Variants in GPR160 observed in about 807,000 individuals in gnomAD.
The protein encoded by GPR160 is G protein-coupled receptor 160.
In GPR160, 2 loss-of-function variants were observed where a neutral mutation model predicts 2.6. That is an observed-to-expected ratio of 0.77 (90% CI 0.32 to 2.44). GPR160 has a LOEUF of 2.44. Among genes scored for constraint, GPR160 ranks in the 30% most tolerant of loss-of-function variants. GPR160 has a pLI of 0.11. For synonymous variants in GPR160, 130 were observed against 132.2 expected (o/e 0.98, Z 0.12); for missense variants, 351 against 383.6 (o/e 0.91, Z 0.71).
chr3:170,066,169 C>A (rs775807791), intron 2 of GPR160, among the ~76,000 whole-genome samples: 4 of 111,976 alleles, frequency 3.6e-5, no homozygotes, highest in Non-Finnish European at 5.0e-5. Context: ...GTGACAGAGC[C>A]TCGCTCTGTC....
At chr3:170,064,520 T>TTC (rs1408540622) in intron 2 of GPR160, among the ~76,000 whole-genome samples, 7 of 136,038 alleles carry the variant, frequency 5.1e-5, no homozygotes, top group Non-Finnish European at 1.1e-4. Context: ...TTTTCTTTTT[T>TTC]TTTTTTTTTT....
intron 2 of GPR160, among the ~76,000 whole-genome samples, chr3:170,049,151 A>T (rs536929461): frequency 6.6e-6 from 1 of 152,324 alleles, no homozygotes; most frequent in South Asian, 2.1e-4. Context: ...CGGTTCAGGG[A>T]TCAGCAGGAT....
At chr3:170,049,133 A>T (rs1029810833) in intron 2 of GPR160, among the ~76,000 whole-genome samples, 5 of 152,218 alleles carry the variant, frequency 3.3e-5, no homozygotes, top group Non-Finnish European at 5.9e-5. Context: ...GGCTCCCCTC[A>T]GTAACACCGG....
At chr3:170,051,738 A>T (rs1397669671) in intron 2 of GPR160, among the ~76,000 whole-genome samples, 1 of 152,236 alleles carries the variant, frequency 6.6e-6, no homozygotes, top group Non-Finnish European at 1.5e-5. Flanking sequence ...AAATAAAAAA[A>T]TAAAAAACAA....
chr3:170,066,144 T>C (rs1172831687), intron 2 of GPR160, among the ~76,000 whole-genome samples: 4 of 123,838 alleles, frequency 3.2e-5, no homozygotes, highest in Admixed American at 1.6e-4. Context: ...TTTTTTTTTT[T>C]TTTTTTTTTT....
At chr3:170,071,867 C>T (rs1051655157) in intron 2 of GPR160, among the ~76,000 whole-genome samples, 1 of 152,038 alleles carries the variant, frequency 6.6e-6, no homozygotes, top group Non-Finnish European at 1.5e-5. Context: ...AGAAGAATGG[C>T]CTAACATAAC....
intron 2 of GPR160, among the ~76,000 whole-genome samples, chr3:170,075,828 C>T (rs963527539): frequency 6.6e-6 from 1 of 152,178 alleles, no homozygotes; most frequent in Non-Finnish European, 1.5e-5. Flanking sequence ...TTGAGATAAC[C>T]TCTGCTTGCT....
At chr3:170,082,687 C>T (rs1293821516) in intron 3 of GPR160, among the ~76,000 whole-genome samples, 1 of 152,122 alleles carries the variant, frequency 6.6e-6, no homozygotes, top group Non-Finnish European at 1.5e-5. Flanking sequence ...CCTTGACCTC[C>T]CAGGCTCAAG....
intron 3 of GPR160, among the ~76,000 whole-genome samples, chr3:170,080,426 G>T (rs529303728): frequency 1.3e-5 from 2 of 151,998 alleles, no homozygotes; most frequent in African/African-American, 4.8e-5. Flanking sequence ...TGTCTTCCCC[G>T]CTCTTATTTT....
At chr3:170,041,669 A>C (rs1420223583) in intron 2 of GPR160, among the ~76,000 whole-genome samples, 2 of 152,158 alleles carry the variant, frequency 1.3e-5, no homozygotes, top group Admixed American at 6.5e-5. Context: ...AACCAACAAA[A>C]ATCCCCTTAC....
chr3:170,085,236 T>G lies in GPR160; in HGVS notation c.*247T>G. 3.7e-6 allele frequency: 1 copy of G among 269,560 alleles called. No individual in the cohort carries two copies. Among genetic ancestry groups the G allele is most frequent in the Non-Finnish European group, 7.3e-6 (1 of 136,562 alleles). The allele number at this position is 269,560 out of a possible 1,614,324, so 16.7% of individuals were successfully genotyped here. On this transcript the variant is annotated 3_prime_UTR_variant, in exon 4 of 4. Coordinates refer to ENST00000355897, the MANE Select transcript of GPR160 (RefSeq NM_014373.3). ...TATATTACAAATATTACTTTGTTAT[T>G]AACACAAAAAGTGATAAGAGTTAAC...
intron 2 of GPR160, among the ~76,000 whole-genome samples, chr3:170,043,391 A>C (rs1716546596): frequency 6.6e-6 from 1 of 152,142 alleles, no homozygotes; most frequent in South Asian, 2.1e-4. Context: ...CATGTTGGCC[A>C]GGCTGGTCTC....
At chr3:170,062,231 GT>G (rs1711998245) in intron 2 of GPR160, 2 of 179,166 alleles carry the variant, frequency 1.1e-5, no homozygotes, top group Non-Finnish European at 2.3e-5. Context: ...CCTCCCCAGG[GT>G]CCCCCTCTCC....
chr3:170,053,700 A>C (rs1441479958), intron 2 of GPR160, among the ~76,000 whole-genome samples: 1 of 152,152 alleles, frequency 6.6e-6, no homozygotes, highest in Non-Finnish European at 1.5e-5. Context: ...AGTCTTTCAC[A>C]CTTAAGTATA....
intron 2 of GPR160, among the ~76,000 whole-genome samples, chr3:170,068,057 G>C (rs2108335691): frequency 6.6e-6 from 1 of 152,290 alleles, no homozygotes; most frequent in Non-Finnish European, 1.5e-5. Context: ...TGTCTACGTG[G>C]GTGGTGGGTT....
chr3:170,076,946 A>G (rs1048413138), intron 2 of GPR160, among the ~76,000 whole-genome samples: 4 of 152,234 alleles, frequency 2.6e-5, no homozygotes, highest in African/African-American at 9.6e-5. Context: ...CTTTGAAGTC[A>G]GACTTGAGGT....
At chr3:170,048,940 C>T (rs369005775) in intron 2 of GPR160, among the ~76,000 whole-genome samples, 16 of 152,064 alleles carry the variant, frequency 1.1e-4, no homozygotes, top group East Asian at 5.8e-4. Context: ...ATTCAAGTTT[C>T]GGAAGTCTTA....
chr3:170,070,691 A>G (rs942779096), intron 2 of GPR160, among the ~76,000 whole-genome samples: 1 of 152,152 alleles, frequency 6.6e-6, no homozygotes, highest in African/African-American at 2.4e-5. Flanking sequence ...CAGCATCACA[A>G]TGAGGTTTTC....
At chr3:170,069,495 T>C (rs1712490375) in intron 2 of GPR160, among the ~76,000 whole-genome samples, 1 of 152,236 alleles carries the variant, frequency 6.6e-6, no homozygotes, top group Admixed American at 6.5e-5. Flanking sequence ...TAGGTGATGC[T>C]TGGACCACAC....
Sources: gnomAD v4.1 joint callset for allele counts (sites outside exome capture counted in the v4.1 genomes callset) on GRCh38, gnomAD v4.1.1 for gene constraint, MANE v1.5 for transcripts, NCBI Gene and HGNC (gene_info 2026-07-23, HGNC 2026-07-21) for gene names.